PTGR2: variants seen among roughly 807,000 people sequenced by gnomAD.
PTGR2 encodes prostaglandin reductase 2.
A neutral mutation model predicts 43.4 loss-of-function variants in PTGR2; 32 were observed. The observed-to-expected ratio is 0.74, with a 90% confidence interval of 0.56 to 0.99. The LOEUF is 0.99. Among genes scored for constraint, PTGR2 ranks in the 50% least tolerant of loss-of-function variants. The probability of loss-of-function intolerance (pLI) is 0.00; values close to 1 mark genes in which losing one functional copy is unlikely to be tolerated. For synonymous variants in PTGR2, 106 were observed against 139.2 expected, an observed-to-expected ratio of 0.76 and a Z score of 1.68; for missense variants, 373 against 420.0, an observed-to-expected ratio of 0.89 and a Z score of 0.98.
chr14:73,867,165 T>C (rs1357845142), intron 3 of PTGR2, among the ~76,000 whole-genome samples: 1 of 151,206 alleles, frequency 6.6e-6, no homozygotes, highest in Non-Finnish European at 1.5e-5. Flanking sequence ...CTGCTTAAGC[T>C]GGAGCATCAT....
At chr14:73,880,591 A>C (rs2054960921) in intron 7 of PTGR2, among the ~76,000 whole-genome samples, 1 of 129,902 alleles carries the variant, frequency 7.7e-6, no homozygotes. Flanking sequence ...AAAAAACAAA[A>C]AAAAAAAAAC....
At chr14:73,857,009 C>T (rs1191850635) in intron 1 of PTGR2, among the ~76,000 whole-genome samples, 2 of 152,100 alleles carry the variant, frequency 1.3e-5, no homozygotes, top group Non-Finnish European at 2.9e-5. Flanking sequence ...TAGTGGCTCA[C>T]GCCTGTAATC....
rs770019210 is a variant in PTGR2 at position 73,880,171 on chromosome 14, C to T, written c.846C>T (p.Ile282=). ...AGGCAATCCAGAAAGAAAGAAACAT[C>T]ACAAGGTGTGTTCTTCCTCTTTGCC... ...AIEAIQKERN[I]TRERFLVLNY... Residue 282 remains isoleucine (I), a synonymous_variant, in exon 7 of 10, where the codon ATC becomes ATT. Transcript: ENST00000555661. 1.9e-6 allele frequency: 3 copies of T among 1,613,806 alleles called. No individual in the cohort carries two copies. The highest frequency in any genetic ancestry group is 2.5e-6 in the Non-Finnish European group (3 of 1,179,786).
intron 6 of PTGR2, chr14:73,879,645 T>TTGCGTAGAGA (rs11281736): frequency 0.63 from 188,489 of 299,306 alleles, 61,178 homozygotes; most frequent in South Asian, 0.71. Flanking sequence ...GCCCCAGACC[T>TTGCGTAGAGA]ATGGGTTTCA....
At position 73,884,238 on chromosome 14, in the gene PTGR2, A is replaced by T. The variant is rs984662476; in HGVS notation, c.*61A>T. ...TTTTCCATTTTGCATATTTTCAAAG[A>T]TATGTTAAAAAATCCTTAGACTATA... On this transcript the variant is annotated 3_prime_UTR_variant, in exon 10 of 10. Transcript: ENST00000555661. 9 of 1,101,312 alleles carry T rather than the reference A, an allele frequency of 8.2e-6. No homozygotes were observed. In the Admixed American group the frequency reaches 1.7e-4, roughly 21 times the overall value. The allele number at this position is 1,101,312 out of a possible 1,614,324, so 68.2% of individuals were successfully genotyped here.
intron 3 of PTGR2, among the ~76,000 whole-genome samples, chr14:73,871,341 C>CTTTTTTT (rs869073652): frequency 1.5e-5 from 1 of 67,860 alleles, no homozygotes; most frequent in African/African-American, 6.0e-5. Context: ...GGCTGTTCAT[C>CTTTTTTT]TTTTTTTTTT....
At chr14:73,857,040 G>C (rs756232126) in intron 1 of PTGR2, among the ~76,000 whole-genome samples, 1 of 152,098 alleles carries the variant, frequency 6.6e-6, no homozygotes, top group African/African-American at 2.4e-5. Context: ...GGGAGGTCGA[G>C]ATGGGAGGAT....
chr14:73,852,325 G>C (rs1170966088), intron 1 of PTGR2, among the ~76,000 whole-genome samples: 1 of 152,106 alleles, frequency 6.6e-6, no homozygotes, highest in African/African-American at 2.4e-5. Context: ...GCAGTGGCGC[G>C]ATCTCGGCTC....
At chr14:73,880,943 C>G (rs1402127542) in intron 7 of PTGR2, among the ~76,000 whole-genome samples, 2 of 152,148 alleles carry the variant, frequency 1.3e-5, no homozygotes, top group Non-Finnish European at 2.9e-5. Flanking sequence ...ACTACAGGCG[C>G]TCACTACCAT....
At chr14:73,883,524 C>T (rs59421227) in intron 9 of PTGR2, among the ~76,000 whole-genome samples, 10,175 of 150,292 alleles carry the variant, frequency 0.068, 856 homozygotes, top group East Asian at 0.44. Context: ...CATGCTCTGT[C>T]ACCCGGGCTG....
chr14:73,853,066 C>G (rs1851983126), intron 1 of PTGR2, among the ~76,000 whole-genome samples: 1 of 152,092 alleles, frequency 6.6e-6, no homozygotes, highest in Admixed American at 6.6e-5. Context: ...AGTGAGCCTC[C>G]CACCTCAGCC....
intron 1 of PTGR2, among the ~76,000 whole-genome samples, chr14:73,853,400 G>A (rs574415746): frequency 6.6e-6 from 1 of 151,682 alleles, no homozygotes; most frequent in African/African-American, 2.4e-5. Flanking sequence ...TCGGCTCACT[G>A]CAACCTCCAC....
chr14:73,853,976 T>G (rs569926557), intron 1 of PTGR2, among the ~76,000 whole-genome samples: 1 of 152,144 alleles, frequency 6.6e-6, no homozygotes, highest in East Asian at 1.9e-4. Context: ...ATTTGCTGAG[T>G]TTTTTTCCCC....
At chr14:73,880,006 T>C in intron 6 of PTGR2, 49 bp from the exon 7 acceptor site, 1 of 1,596,234 alleles carries the variant, frequency 6.3e-7, no homozygotes, top group Non-Finnish European at 8.6e-7. Context: ...AGCCATAAAA[T>C]CAGTAAACAT....
chr14:73,856,293 T>G (rs1233673555), intron 1 of PTGR2, among the ~76,000 whole-genome samples: 4 of 151,922 alleles, frequency 2.6e-5, no homozygotes, highest in African/African-American at 7.3e-5. Context: ...TCACCCAGAC[T>G]GGAGTGCAGT....
At chr14:73,863,790 A>T (rs1016513707) in intron 3 of PTGR2, among the ~76,000 whole-genome samples, 13 of 151,984 alleles carry the variant, frequency 8.6e-5, no homozygotes, top group Non-Finnish European at 1.8e-4. Context: ...TAATTTTTGT[A>T]TTTTTAGTAG....
At chr14:73,872,248 G>A (rs921321887) in intron 3 of PTGR2, among the ~76,000 whole-genome samples, 2 of 152,164 alleles carry the variant, frequency 1.3e-5, no homozygotes, top group African/African-American at 4.8e-5. Context: ...AGGTTAGGGG[G>A]CATGAAATAG....
intron 1 of PTGR2, among the ~76,000 whole-genome samples, chr14:73,857,664 G>GTTTTTTGTTTTTTTTTTT (rs2054384045): frequency 1.5e-5 from 1 of 64,696 alleles, no homozygotes; most frequent in African/African-American, 6.2e-5. Context: ...AGCAGTTAGT[G>GTTTTTTGTTTTTTTTTTT]TTTTTTTTTT....
intron 2 of PTGR2, among the ~76,000 whole-genome samples, chr14:73,859,508 C>T (rs1048617283): frequency 6.6e-6 from 1 of 151,918 alleles, no homozygotes; most frequent in East Asian, 1.9e-4. Flanking sequence ...GGTAACCTTT[C>T]CTTCTTACAA....
Sources: gnomAD v4.1 joint callset for allele counts (sites outside exome capture counted in the v4.1 genomes callset) on GRCh38, gnomAD v4.1.1 for gene constraint, MANE v1.5 for transcripts, NCBI Gene and HGNC (gene_info 2026-07-23, HGNC 2026-07-21) for gene names.